HDGFL3: variants seen among roughly 807,000 people sequenced by gnomAD.
HDGFL3 encodes HDGF like 3, also known as hepatoma-derived growth factor-related protein 3.
A neutral mutation model predicts 27.6 loss-of-function variants in HDGFL3; 6 were observed. The observed-to-expected ratio is 0.22, with a 90% CI of 0.12 to 0.43. The LOEUF (loss-of-function observed/expected upper bound fraction) is 0.43. HDGFL3 is among the 20% of genes least tolerant of loss of function. The probability of loss-of-function intolerance (pLI) is 1.00; values close to 1 mark genes in which losing one functional copy is unlikely to be tolerated. For synonymous variants in HDGFL3, 88 were observed against 88.9 expected (o/e 0.99, Z 0.05); for missense variants, 207 against 250.1 (o/e 0.83, Z 1.16).
chr15:83,165,364 A>C (rs1340413254), intron 1 of HDGFL3, among the ~76,000 whole-genome samples: 2 of 152,212 alleles, frequency 1.3e-5, no homozygotes, highest in Admixed American at 1.3e-4. Context: ...CACTCAGCAT[A>C]CAGAGTTGCT....
At chr15:83,205,978 G>C (rs972978171) in intron 1 of HDGFL3, among the ~76,000 whole-genome samples, 1 of 152,198 alleles carries the variant, frequency 6.6e-6, no homozygotes, top group Non-Finnish European at 1.5e-5. Context: ...GGTTGTTAGT[G>C]TTGGAAAGGA....
Position 83,206,336 on chromosome 15 carries a change from A to G in HDGFL3, c.84+995T>C, listed in dbSNP as rs1046009495. 3.2e-4 allele frequency among the ~76,000 whole-genome samples: 49 copies of G among 152,202 alleles called. 4 individuals carry two copies. On this transcript the variant is annotated intron_variant, in intron 1 of 5. Transcript: ENST00000299633. ...CTGTTTCCGTTCCTAAAGAATACCA[A>G]TATAATCTCTAGAATGCCTTGACCC... is the stretch of plus-strand genomic sequence containing the variant.
chr15:83,182,056 G>T (rs1305189753), intron 1 of HDGFL3, among the ~76,000 whole-genome samples: 1 of 152,116 alleles, frequency 6.6e-6, no homozygotes, highest in African/African-American at 2.4e-5. Context: ...ATCAAGTATA[G>T]AACATTTAAG....
At chr15:83,193,059 ACT>A (rs1384664733) in intron 1 of HDGFL3, among the ~76,000 whole-genome samples, 1 of 152,036 alleles carries the variant, frequency 6.6e-6, no homozygotes, top group Non-Finnish European at 1.5e-5. Context: ...ATAAAAACTC[ACT>A]GTCATGGGAC....
chr15:83,174,272 G>T (rs1006880258), intron 1 of HDGFL3, among the ~76,000 whole-genome samples: 4 of 151,878 alleles, frequency 2.6e-5, no homozygotes, highest in Non-Finnish European at 4.4e-5. Context: ...ATTTTCTCGA[G>T]CCCCACATTC....
downstream of HDGFL3, among the ~76,000 whole-genome samples, chr15:83,124,169 T>C (rs1193732851): frequency 1.3e-5 from 2 of 152,218 alleles, no homozygotes; most frequent in African/African-American, 4.8e-5. Context: ...AAAGTGCTTA[T>C]AATATAGGCA....
At chr15:83,206,531 GAA>G (rs2037718886) in intron 1 of HDGFL3, among the ~76,000 whole-genome samples, 1 of 152,196 alleles carries the variant, frequency 6.6e-6, no homozygotes, top group Admixed American at 6.5e-5. Flanking sequence ...ACGCTTTCTA[GAA>G]AAAGAGCCCA....
chr15:83,205,198 T>C (rs1377354546), intron 1 of HDGFL3, among the ~76,000 whole-genome samples: 1 of 152,156 alleles, frequency 6.6e-6, no homozygotes, highest in Non-Finnish European at 1.5e-5. Context: ...TAATGCCTCA[T>C]AGAATTGGGA....
intron 3 of HDGFL3, among the ~76,000 whole-genome samples, chr15:83,120,407 G>C (rs2035111261): frequency 1.3e-5 from 2 of 152,146 alleles, no homozygotes; most frequent in South Asian, 4.1e-4. Flanking sequence ...TAACCCAGAA[G>C]GTACACCCTT....
chr15:83,119,346 G>A (rs2034998980), intron 3 of HDGFL3, among the ~76,000 whole-genome samples: 1 of 152,186 alleles, frequency 6.6e-6, no homozygotes, highest in Non-Finnish European at 1.5e-5. Flanking sequence ...GATGCATCAT[G>A]GGCCAATTGG....
chr15:83,206,376 TTTC>T (rs1405481104), intron 1 of HDGFL3, among the ~76,000 whole-genome samples: 3 of 152,216 alleles, frequency 2.0e-5, no homozygotes, highest in East Asian at 1.9e-4. Flanking sequence ...TTTCACAAGA[TTTC>T]TTATTTCAAG....
chr15:83,150,256 G>T (rs945683374), intron 5 of HDGFL3, among the ~76,000 whole-genome samples: 3 of 152,110 alleles, frequency 2.0e-5, no homozygotes, highest in African/African-American at 7.2e-5. Flanking sequence ...GTAGCAGGTC[G>T]AATAGAAAGA....
chr15:83,136,389 A>G lies in HDGFL3; in HGVS notation c.*2881T>C. 1 of 1,134,728 alleles carries G rather than the reference A, an allele frequency of 8.8e-7. No individual in the cohort carries two copies. Among genetic ancestry groups the G allele is most frequent in the Admixed American group, 3.0e-5 (1 of 33,688 alleles). 70.3% of individuals were successfully genotyped at this position (1,134,728 alleles called of 1,614,324 possible). A position where few individuals can be genotyped will look rare whatever the true frequency, so the allele number is the denominator to read the frequency against. On this transcript the variant is annotated 3_prime_UTR_variant, in exon 6 of 6. Transcript: ENST00000299633. ...GGTGAGACTGGTTTTGAGGGCACAG[A>G]AACGTAGCCTGAATGAACCATTCAG...
chr15:83,118,469 T>C (rs754406635), intron 3 of HDGFL3, among the ~76,000 whole-genome samples: 1 of 152,160 alleles, frequency 6.6e-6, no homozygotes, highest in Non-Finnish European at 1.5e-5. Flanking sequence ...ATAAATCGGA[T>C]GTATTCTTCA....
intron 1 of HDGFL3, among the ~76,000 whole-genome samples, chr15:83,177,072 T>C (rs2037321800): frequency 6.6e-6 from 1 of 152,094 alleles, no homozygotes; most frequent in Admixed American, 6.5e-5. Flanking sequence ...CACGTGTCAC[T>C]ATGCCTGGCT....
At chr15:83,140,483 T>TG (rs1054588081) in intron 5 of HDGFL3, among the ~76,000 whole-genome samples, 4 of 147,500 alleles carry the variant, frequency 2.7e-5, no homozygotes, top group East Asian at 4.0e-4. Flanking sequence ...CAAAGAAAGT[T>TG]TTTTTTTTTT....
At chr15:83,127,035 A>G (rs1019858342), downstream of HDGFL3, among the ~76,000 whole-genome samples, 7 of 152,102 alleles carry the variant, frequency 4.6e-5, no homozygotes, top group African/African-American at 1.7e-4. Flanking sequence ...TACTGAAAAA[A>G]TACAAAAAAC....
intron 4 of HDGFL3, among the ~76,000 whole-genome samples, chr15:83,154,713 T>C (rs2151400826): frequency 6.6e-6 from 1 of 152,306 alleles, no homozygotes; most frequent in South Asian, 2.1e-4. Context: ...AACTTTTTGT[T>C]CTCCTAGTAA....
intron 1 of HDGFL3, among the ~76,000 whole-genome samples, chr15:83,202,293 T>G (rs1855331951): frequency 6.6e-6 from 1 of 152,170 alleles, no homozygotes; most frequent in African/African-American, 2.4e-5. Flanking sequence ...CTCTTGAAGC[T>G]ATATAAATAG....
Sources: allele counts gnomAD v4.1 joint callset (sites outside exome capture counted in the v4.1 genomes callset), GRCh38; gene constraint gnomAD v4.1.1; transcripts MANE v1.5; gene names NCBI Gene and HGNC (gene_info 2026-07-23, HGNC 2026-07-21).